Variants in WNK2 observed in about 807,000 individuals in gnomAD.
The protein encoded by WNK2 is WNK lysine deficient protein kinase 2.
WNK2 carries 67 observed loss-of-function variants against 192.1 expected under a neutral mutation model. The observed-to-expected ratio is 0.35, with a 90% CI of 0.29 to 0.43. The LOEUF is 0.43. WNK2 is among the 20% of genes least tolerant of loss of function. WNK2 has a pLI of 1.00. For missense variants in WNK2, 2,698 were observed against 3,089.7 expected (o/e 0.87, Z 3.01); for synonymous variants, 1,439 against 1,393.9 (o/e 1.03, Z -0.72).
intron 2 of WNK2, among the ~76,000 whole-genome samples, chr9:93,190,131 T>C (rs1830067600): frequency 6.6e-6 from 1 of 152,186 alleles, no homozygotes; most frequent in African/African-American, 2.4e-5. Context: ...ATGCTGACCA[T>C]GGTTTTGGTT....
In WNK2 at chr9:93,238,331, C is replaced by G. The variant is rs750993152; in HGVS notation, c.1322+10C>G. The G allele has an allele frequency of 2.0e-5, 32 of 1,612,744 alleles. 1 individual carries two copies. Among genetic ancestry groups the G allele is most frequent in the South Asian group, 9.9e-5 (9 of 91,024 alleles). ...AAAACAAGGAGGAAAGGTGAGTTCC[C>G]CTGAAGGGCTGGGTTCTGGGGTCCA... On this transcript the variant is annotated intron_variant, in intron 6 of 29. Transcript: ENST00000427277.
intron 19 of WNK2, among the ~76,000 whole-genome samples, chr9:93,273,823 A>G (rs1846350003): frequency 6.6e-6 from 1 of 152,266 alleles, no homozygotes; most frequent in African/African-American, 2.4e-5. Flanking sequence ...ACAGTGTAAT[A>G]TAAAATTAAA....
chr9:93,197,836 G>A (rs1831549961), intron 2 of WNK2, among the ~76,000 whole-genome samples: 1 of 152,134 alleles, frequency 6.6e-6, no homozygotes, highest in African/African-American at 2.4e-5. Context: ...TGGTGTTTCT[G>A]TACGACCGTG....
Position 93,234,881 on chromosome 9 carries a change from G to T in WNK2, c.1149G>T (p.Gly383=), listed in dbSNP as rs775837154. The T allele has an allele frequency of 1.2e-6, 2 of 1,614,212 alleles. No individual in the cohort carries two copies. Among genetic ancestry groups the T allele is most frequent in the Admixed American group, 1.7e-5 (1 of 60,022 alleles). The change falls in exon 5 of 30, where the codon GGG becomes GGT. Residue 383 remains glycine, a synonymous_variant. Transcript: ENST00000427277. ...AGTCCGTGGACGTCTATGCCTTTGG[G>T]ATGTGCATGCTGGAGATGGCCACCT... ...YDESVDVYAF[G]MCMLEMATSE... is the part of the protein sequence containing the mutation.
intron 8 of WNK2, among the ~76,000 whole-genome samples, chr9:93,251,724 A>G (rs1842634805): frequency 6.6e-6 from 1 of 152,168 alleles, no homozygotes. Context: ...ATAAATAAAT[A>G]AAATGCTACA....
chr9:93,288,893 C>T lies in WNK2; in HGVS notation c.4139C>T (p.Pro1380Leu), dbSNP rs767501381. The change falls in exon 20 of 30, where the codon CCC becomes CTC. Residue 1380 changes from proline to leucine, a missense_variant. Coordinates refer to ENST00000427277, the MANE Select transcript of WNK2 (RefSeq NM_006648.4). ...QAGPSNPPGAPPAPLAPSSPP... is the reference protein window; with the variant it reads ...QAGPSNPPGALPAPLAPSSPP... ...GGCCCCAGCAACCCTCCTGGGGCAC[C>T]CCCAGCCCCTTTGGCCCCCTCCTCC... 10 of 1,609,650 alleles carry T rather than the reference C, an allele frequency of 6.2e-6. No homozygotes were observed. The highest frequency in any genetic ancestry group is 8.5e-6 in the Non-Finnish European group (10 of 1,178,618).
chr9:93,305,385 A>C (rs535347465), intron 26 of WNK2, among the ~76,000 whole-genome samples: 57 of 152,326 alleles, frequency 3.7e-4, no homozygotes, highest in African/African-American at 1.2e-3. Flanking sequence ...TGAGCCATTG[A>C]GGGGATATCA....
At chr9:93,201,130 C>T (rs1832270321) in intron 2 of WNK2, among the ~76,000 whole-genome samples, 1 of 152,194 alleles carries the variant, frequency 6.6e-6, no homozygotes, top group Non-Finnish European at 1.5e-5. Context: ...TCCTTTCCAT[C>T]CTGTGGCTGT....
intron 29 of WNK2, chr9:93,318,779 C>G: frequency 7.1e-7 from 1 of 1,413,544 alleles, no homozygotes. Flanking sequence ...CATTCTTCTC[C>G]TGGAGATTTC....
chr9:93,256,119 C>T (rs191202841), intron 9 of WNK2, among the ~76,000 whole-genome samples, 180 bp from the exon 10 acceptor site: 1 of 152,302 alleles, frequency 6.6e-6, no homozygotes, highest in African/African-American at 2.4e-5. Context: ...CTGTTCCTGG[C>T]CCTTCACTGT....
At chr9:93,317,971 C>CAGCG in intron 29 of WNK2, 1 of 1,612,654 alleles carries the variant, frequency 6.2e-7, no homozygotes. Flanking sequence ...GCGAGGGGGA[C>CAGCG]AGCGGGTGGG....
At chr9:93,279,832 A>G (rs1388113929) in intron 19 of WNK2, among the ~76,000 whole-genome samples, 1 of 152,166 alleles carries the variant, frequency 6.6e-6, no homozygotes, top group Admixed American at 6.5e-5. Flanking sequence ...GCTTTGTAAC[A>G]GTTGATCATC....
chr9:93,196,185 GCTGA>G (rs1263417097), intron 2 of WNK2, among the ~76,000 whole-genome samples: 1 of 152,096 alleles, frequency 6.6e-6, no homozygotes, highest in Non-Finnish European at 1.5e-5. Context: ...GCGTTAACAG[GCTGA>G]CTGTTAGTGG....
chr9:93,268,186 G>A, intron 18 of WNK2, 121 bp downstream of exon 18: 5 of 1,396,422 alleles, frequency 3.6e-6, no homozygotes, highest in Non-Finnish European at 4.9e-6. Flanking sequence ...GTGACCAGGG[G>A]CCCCAGTCTG....
In WNK2 at chr9:93,268,023, A is replaced by G; in HGVS notation, c.3871A>G (p.Ser1291Gly). ...STCGLGTGEESRQSQANAPVY... is the reference protein window; with the variant it reads ...STCGLGTGEEGRQSQANAPVY... ...TCTGACCCTCCACCTCATTCAGGAGAGCCGACAATCCCAAGCCAACGCCCC... is the reference window on the plus strand; with the variant it reads ...TCTGACCCTCCACCTCATTCAGGAGGGCCGACAATCCCAAGCCAACGCCCC... Residue 1291 changes from serine (S) to glycine (G), a missense_variant, in exon 18 of 30, where the codon AGC becomes GGC. Ser to Gly is a moderately conservative substitution (Grantham distance 56). Around this residue, in one of 7 missense-constraint regions of WNK2, gnomAD observed 1,098 missense variants for 1,101.0 expected, o/e 1.00. Transcript: ENST00000427277. The G allele has an allele frequency of 6.2e-7, 1 of 1,611,962 alleles. No individual in the cohort carries two copies. Among genetic ancestry groups the G allele is most frequent in the Non-Finnish European group, 8.5e-7 (1 of 1,179,184 alleles).
At chr9:93,284,406 A>G (rs1196331387) in intron 19 of WNK2, among the ~76,000 whole-genome samples, 4 of 152,212 alleles carry the variant, frequency 2.6e-5, no homozygotes, top group African/African-American at 9.7e-5. Flanking sequence ...GGTTTAACTT[A>G]ATTCGAATAA....
At chr9:93,298,178 G>A (rs955462967) in intron 24 of WNK2, 111 bp downstream of exon 24, 7 of 1,173,122 alleles carry the variant, frequency 6.0e-6, no homozygotes, top group Admixed American at 4.2e-5. Context: ...AAGACCACTC[G>A]GGGTTATCTC....
intron 18 of WNK2, 62 bp downstream of exon 18, chr9:93,268,127 A>C: frequency 6.4e-7 from 1 of 1,554,662 alleles, no homozygotes; most frequent in South Asian, 1.2e-5. Flanking sequence ...CCCACTCAGC[A>C]TATTACCAGG....
chr9:93,186,579 AGGCCTGAAACGG>A (rs1175730401), intron 2 of WNK2, among the ~76,000 whole-genome samples: 1 of 152,208 alleles, frequency 6.6e-6, no homozygotes, highest in East Asian at 1.9e-4. Context: ...TGTCCAGTCC[AGGCCTGAAACGG>A]GGCTGGGGCT....
Sources: allele counts gnomAD v4.1 joint callset (sites outside exome capture counted in the v4.1 genomes callset), GRCh38; gene constraint gnomAD v4.1.1; regional missense constraint gnomAD v4.1.1; transcripts MANE v1.5; gene names NCBI Gene and HGNC (gene_info 2026-07-23, HGNC 2026-07-21).